The following ARHGAP15 variants were observed in gnomAD, a reference collection of about 807,000 sequenced individuals.
ARHGAP15 encodes Rho GTPase activating protein 15, also known as rho GTPase-activating protein 15.
ARHGAP15 carries 51 observed loss-of-function variants against 63.7 expected under a neutral mutation model. That is an observed-to-expected ratio of 0.80 (90% CI 0.64 to 1.01). ARHGAP15 has a LOEUF of 1.01. Ranked by LOEUF, ARHGAP15 falls within the 50% of genes least tolerant of loss-of-function variation. The pLI is 0.00. For synonymous variants in ARHGAP15, 191 were observed against 193.8 expected (o/e 0.99, Z 0.12); for missense variants, 560 against 564.6 (o/e 0.99, Z 0.08).
chr2:143,237,308 C>CGACA (rs1693694169), intron 5 of ARHGAP15: 1 of 152,262 alleles, frequency 6.6e-6, no homozygotes, highest in Non-Finnish European at 1.5e-5. Flanking sequence ...TGAGCTCTTA[C>CGACA]GACAGAGAAA....
chr2:143,606,596 C>T (rs1698042233), intron 11 of ARHGAP15: 1 of 152,178 alleles, frequency 6.6e-6, no homozygotes, highest in Non-Finnish European at 1.5e-5. Flanking sequence ...ATCCTTATTT[C>T]AACCACTGTA....
At chr2:143,256,797 CA>C (rs377462054) in intron 6 of ARHGAP15, among the ~76,000 whole-genome samples, 74 of 151,922 alleles carry the variant, frequency 4.9e-4, no homozygotes, top group African/African-American at 1.4e-3. Flanking sequence ...ATATGAATGT[CA>C]GGGGTATATA....
At chr2:143,673,773 T>TATATAC (rs1682683397) in intron 12 of ARHGAP15, among the ~76,000 whole-genome samples, 2 of 102,272 alleles carry the variant, frequency 2.0e-5, no homozygotes, top group African/African-American at 7.1e-5. Flanking sequence ...TATATATATA[T>TATATAC]ATATATATAT....
chr2:143,742,599 CTG>C, intron 13 of ARHGAP15, among the ~76,000 whole-genome samples: 1 of 151,350 alleles, frequency 6.6e-6, no homozygotes, highest in South Asian at 2.1e-4. Context: ...GAAATTGAGT[CTG>C]TGTTTACAAA....
At chr2:143,336,019 A>G (rs1300029436) in intron 6 of ARHGAP15, among the ~76,000 whole-genome samples, 3 of 151,884 alleles carry the variant, frequency 2.0e-5, no homozygotes, top group Admixed American at 6.6e-5. Flanking sequence ...ATTTTTTTTG[A>G]GACACGGTTC....
At chr2:143,374,423 T>C (rs1261531228) in intron 6 of ARHGAP15, among the ~76,000 whole-genome samples, 1 of 152,162 alleles carries the variant, frequency 6.6e-6, no homozygotes, top group Non-Finnish European at 1.5e-5. Context: ...TCTTTGATTC[T>C]TCTTTGGACA....
chr2:143,435,723 C>A (rs1267071854), intron 7 of ARHGAP15, 24 bp downstream of exon 7: 1 of 1,592,738 alleles, frequency 6.3e-7, no homozygotes, highest in Admixed American at 1.8e-5. Flanking sequence ...TTGGCTGTTA[C>A]CTTTATTAAT....
chr2:143,485,718 T>C (rs1000343860), intron 8 of ARHGAP15, among the ~76,000 whole-genome samples: 1 of 152,156 alleles, frequency 6.6e-6, no homozygotes, highest in Non-Finnish European at 1.5e-5. Context: ...ACACCACGGA[T>C]GCTGTTCCAT....
Position 143,729,660 on chromosome 2 carries a change from C to T in ARHGAP15, c.1244+26136C>T, listed in dbSNP as rs574595333. On this transcript the variant is annotated intron_variant, in intron 13 of 13. Coordinates refer to ENST00000295095, the MANE Select transcript of ARHGAP15 (RefSeq NM_018460.4). ...GAGATCTGTGAAAAACAAATTTTCA[C>T]CTTACAAAGGCATTCTCAAAATGAA... is the stretch of plus-strand genomic sequence containing the variant. 6.9e-4 allele frequency among the ~76,000 whole-genome samples: 105 copies of T among 152,282 alleles called. 3 individuals are homozygous for T. The South Asian group carries it at 0.021, about 31-fold the overall frequency.
chr2:143,210,312 C>A (rs535099750), intron 3 of ARHGAP15, among the ~76,000 whole-genome samples: 1 of 151,302 alleles, frequency 6.6e-6, no homozygotes, highest in African/African-American at 2.4e-5. Context: ...GTTTCCCAAA[C>A]AGAACCTGGA....
chr2:143,765,435 A>G (rs992024925), intron 13 of ARHGAP15, among the ~76,000 whole-genome samples: 4 of 152,202 alleles, frequency 2.6e-5, no homozygotes, highest in Non-Finnish European at 5.9e-5. Context: ...AAGAAACTTT[A>G]AATTTGAAGT....
chr2:143,443,129 T>G (rs1689965486), intron 8 of ARHGAP15, among the ~76,000 whole-genome samples: 1 of 152,166 alleles, frequency 6.6e-6, no homozygotes, highest in African/African-American at 2.4e-5. Context: ...TTAAAACACA[T>G]ACTGTGAAGC....
At chr2:143,346,192 ACTCTCTCTCT>A (rs1201623811) in intron 6 of ARHGAP15, among the ~76,000 whole-genome samples, 1 of 145,108 alleles carries the variant, frequency 6.9e-6, no homozygotes. Flanking sequence ...TCACACACAC[ACTCTCTCTCT>A]CACACACACA....
At chr2:143,562,887 A>C (rs1175922548) in intron 11 of ARHGAP15, among the ~76,000 whole-genome samples, 1 of 152,218 alleles carries the variant, frequency 6.6e-6, no homozygotes, top group Non-Finnish European at 1.5e-5. Flanking sequence ...TAGTCCAAAA[A>C]TAAGTTTATG....
intron 11 of ARHGAP15, among the ~76,000 whole-genome samples, chr2:143,574,890 T>C (rs772328675): frequency 6.6e-6 from 1 of 152,184 alleles, no homozygotes; most frequent in Non-Finnish European, 1.5e-5. Context: ...ATAAAATGTG[T>C]TACCTTACGT....
chr2:143,540,851 T>C (rs1403664232), intron 10 of ARHGAP15, among the ~76,000 whole-genome samples: 3 of 152,190 alleles, frequency 2.0e-5, no homozygotes, highest in African/African-American at 7.2e-5. Context: ...GACAATTATG[T>C]GTCTTGGCGT....
intron 11 of ARHGAP15, among the ~76,000 whole-genome samples, chr2:143,590,990 A>G (rs2105168524): frequency 6.6e-6 from 1 of 152,122 alleles, no homozygotes; most frequent in South Asian, 2.1e-4. Flanking sequence ...TGATAGCCTC[A>G]TTTGAGAAAC....
At chr2:143,438,255 A>G (rs937153042) in intron 8 of ARHGAP15, among the ~76,000 whole-genome samples, 4 of 150,250 alleles carry the variant, frequency 2.7e-5, no homozygotes, top group Non-Finnish European at 6.0e-5. Context: ...ATGTGTACAT[A>G]TATACATATA....
At chr2:143,180,356 A>C (rs1019790663) in intron 2 of ARHGAP15, among the ~76,000 whole-genome samples, 1 of 152,216 alleles carries the variant, frequency 6.6e-6, no homozygotes, top group Non-Finnish European at 1.5e-5. Flanking sequence ...TTAAAATTTT[A>C]TCATGAGATT....
Sources: gnomAD v4.1 joint callset for allele counts (sites outside exome capture counted in the v4.1 genomes callset) on GRCh38, gnomAD v4.1.1 for gene constraint, MANE v1.5 for transcripts, NCBI Gene and HGNC (gene_info 2026-07-23, HGNC 2026-07-21) for gene names.